DCDC2: variants seen among roughly 807,000 people sequenced by gnomAD.
DCDC2 encodes doublecortin domain containing 2.
DCDC2 carries 40 observed loss-of-function variants against 50.2 expected under a neutral mutation model. The observed-to-expected ratio is 0.80, with a 90% CI of 0.62 to 1.04. The LOEUF is 1.04. Ranked by LOEUF, DCDC2 falls within the 50% of genes least tolerant of loss-of-function variation. The pLI, the probability that DCDC2 is intolerant of heterozygous loss-of-function variation, is 0.00. For synonymous variants in DCDC2, 234 were observed against 210.6 expected, an observed-to-expected ratio of 1.11 and a Z score of -0.96; for missense variants, 570 against 581.9, an observed-to-expected ratio of 0.98 and a Z score of 0.21.
intron 2 of DCDC2, among the ~76,000 whole-genome samples, chr6:24,351,685 G>C (rs1760374978): frequency 6.6e-6 from 1 of 152,184 alleles, no homozygotes; most frequent in Non-Finnish European, 1.5e-5. Flanking sequence ...CCATAAATAA[G>C]GATCTTGTAC....
chr6:24,331,198 C>G (rs1289470349), intron 2 of DCDC2, among the ~76,000 whole-genome samples: 1 of 152,174 alleles, frequency 6.6e-6, no homozygotes, highest in Non-Finnish European at 1.5e-5. Context: ...CCATAGCTCT[C>G]TCTACTCAAC....
At chr6:24,367,599 T>C in the DCDC2 span, among the ~76,000 whole-genome samples, 1 of 152,254 alleles carries the variant, frequency 6.6e-6, no homozygotes, top group African/African-American at 2.4e-5. Context: ...CTTTGTGATC[T>C]ACAAAATGTG....
intron 2 of DCDC2, among the ~76,000 whole-genome samples, chr6:24,328,974 T>C (rs574205016): frequency 4.6e-5 from 7 of 152,316 alleles, no homozygotes; most frequent in Non-Finnish European, 8.8e-5. Context: ...ATTAGTTTTT[T>C]CCAGTCTCCA....
chr6:24,326,383 T>G (rs1202870421), intron 2 of DCDC2, among the ~76,000 whole-genome samples: 4 of 148,996 alleles, frequency 2.7e-5, no homozygotes, highest in African/African-American at 7.3e-5. Flanking sequence ...GCTCCCTGGA[T>G]AGTAGAAAAT....
intron 8 of DCDC2, among the ~76,000 whole-genome samples, chr6:24,197,778 T>G (rs1010937475): frequency 5.3e-5 from 8 of 152,134 alleles, no homozygotes; most frequent in Non-Finnish European, 8.8e-5. Flanking sequence ...GAAATCTGCT[T>G]TTAGAAAAAA....
At chr6:24,369,266 T>G in the DCDC2 span, among the ~76,000 whole-genome samples, 91 of 152,236 alleles carry the variant, frequency 6.0e-4, no homozygotes, top group African/African-American at 2.1e-3. Context: ...CTTGTGATAT[T>G]GTTATGTATG....
chr6:24,276,277 A>G lies in DCDC2; in HGVS notation c.922+1772T>C, dbSNP rs556760360. ...AATGAGATAACCTGAAAAGATGATC[A>G]TTCTCTTTCTTCCAGGTGACAACTA... On this transcript the variant is annotated intron_variant, in intron 7 of 9. Coordinates refer to ENST00000378454, the MANE Select transcript of DCDC2 (RefSeq NM_016356.5). 1.3e-4 allele frequency among the ~76,000 whole-genome samples: 20 copies of G among 152,276 alleles called. No homozygotes were observed. The South Asian group carries it at 3.5e-3, about 27-fold the overall frequency.
chr6:24,322,150 C>T (rs1023993952), intron 2 of DCDC2, among the ~76,000 whole-genome samples: 23 of 152,062 alleles, frequency 1.5e-4, no homozygotes, highest in African/African-American at 5.1e-4. Context: ...ATCATGTTTC[C>T]TCAGCAGTGT....
chr6:24,192,993 A>G (rs1581578283), intron 8 of DCDC2, among the ~76,000 whole-genome samples: 1 of 152,200 alleles, frequency 6.6e-6, no homozygotes, highest in African/African-American at 2.4e-5. Flanking sequence ...AATAGTCTAA[A>G]AGCCTTCAGA....
intron 2 of DCDC2, among the ~76,000 whole-genome samples, chr6:24,342,008 T>A (rs12192494): frequency 6.6e-6 from 1 of 152,052 alleles, no homozygotes; most frequent in East Asian, 1.9e-4. Context: ...GAAATAAAAT[T>A]TAAAGTGTTT....
At chr6:24,372,506 A>G in the DCDC2 span, among the ~76,000 whole-genome samples, 14 of 152,298 alleles carry the variant, frequency 9.2e-5, no homozygotes, top group African/African-American at 3.4e-4. Context: ...GCAAAGACTT[A>G]GAACCAACCC....
the DCDC2 span, among the ~76,000 whole-genome samples, chr6:24,381,888 AAAAAG>A: frequency 1.3e-5 from 2 of 150,150 alleles, no homozygotes; most frequent in Non-Finnish European, 3.0e-5. Context: ...GAGATAAAGA[AAAAAG>A]AAAGAAAGAA....
chr6:24,222,733 C>T (rs1384354861), intron 7 of DCDC2, among the ~76,000 whole-genome samples: 1 of 152,078 alleles, frequency 6.6e-6, no homozygotes. Context: ...TAAGAACATA[C>T]TAAAAAGTTG....
rs577762006 is a variant in DCDC2 at position 24,247,189 on chromosome 6, C to CA, written c.922+30859dup. On this transcript the variant is annotated intron_variant, in intron 7 of 9. Transcript: ENST00000378454. Reference sequence around the variant, plus strand: ...ATCCAATCAAAGGACTGCTTGAGCCCAGGAGTTTGAGGCTGCAGTGTAGCG... The same window carrying CA: ...ATCCAATCAAAGGACTGCTTGAGCCCAAGGAGTTTGAGGCTGCAGTGTAGCG... 1.2e-4 allele frequency among the ~76,000 whole-genome samples: 18 copies of CA among 152,208 alleles called. No homozygotes were observed. The East Asian group carries it at 1.9e-3, about 16-fold the overall frequency.
At chr6:24,327,041 G>C (rs1384691357) in intron 2 of DCDC2, among the ~76,000 whole-genome samples, 1 of 149,118 alleles carries the variant, frequency 6.7e-6, no homozygotes, top group African/African-American at 2.4e-5. Context: ...GCAAATTGGA[G>C]GCAACAAATG....
Position 24,172,794 on chromosome 6 carries a change from G to C in DCDC2, c.*1936C>G, listed in dbSNP as rs1313270947. On this transcript the variant is annotated 3_prime_UTR_variant, in exon 10 of 10. Coordinates refer to ENST00000378454, the MANE Select transcript of DCDC2 (RefSeq NM_016356.5). ...GGATCACCTGAGGTCAGGAGTTTGAGACCAGCCTGGCCAACATGGTGAAAC... is the reference window on the plus strand; with the variant it reads ...GGATCACCTGAGGTCAGGAGTTTGACACCAGCCTGGCCAACATGGTGAAAC... 6.6e-6 allele frequency: 1 copy of C among 151,960 alleles called. No homozygotes were observed. The highest frequency in any genetic ancestry group is 1.9e-4 in the East Asian group (1 of 5,182). 9.4% of individuals were successfully genotyped at this position (151,960 alleles called of 1,614,324 possible).
intron 2 of DCDC2, among the ~76,000 whole-genome samples, chr6:24,339,856 T>C (rs1760123863): frequency 6.6e-6 from 1 of 152,200 alleles, no homozygotes; most frequent in Non-Finnish European, 1.5e-5. Flanking sequence ...GACACCAAAT[T>C]TGATGCACAC....
rs778155669 is a variant in DCDC2, at chr6:24,223,912, C to T, written c.923-18810G>A. On this transcript the variant is annotated intron_variant, in intron 7 of 9. Coordinates refer to ENST00000378454, the MANE Select transcript of DCDC2 (RefSeq NM_016356.5). Reference sequence around the variant, plus strand: ...AAACTGTTCTTAAACTTCAGTGTGCCGAGCTTTCCCATCAATGGGAAATAA... The same window carrying T: ...AAACTGTTCTTAAACTTCAGTGTGCTGAGCTTTCCCATCAATGGGAAATAA... Among the ~76,000 whole-genome samples the T allele has an allele frequency of 9.9e-5, 15 of 152,272 alleles. No individual in the cohort carries two copies. The East Asian group carries it at 1.5e-3, about 16-fold the overall frequency.
chr6:24,332,022 C>T (rs545035049), intron 2 of DCDC2, among the ~76,000 whole-genome samples: 2 of 152,142 alleles, frequency 1.3e-5, no homozygotes, highest in Non-Finnish European at 2.9e-5. Flanking sequence ...AAGGAAGAGA[C>T]CCTGTGTGAA....
Sources: allele counts gnomAD v4.1 joint callset (sites outside exome capture counted in the v4.1 genomes callset), GRCh38; gene constraint gnomAD v4.1.1; transcripts MANE v1.5; gene names NCBI Gene and HGNC (gene_info 2026-07-23, HGNC 2026-07-21).